Variants in ELAVL4 observed in about 807,000 individuals in gnomAD.
ELAVL4 encodes ELAV like RNA binding protein 4.
A neutral mutation model predicts 35.6 loss-of-function variants in ELAVL4; 1 was observed. The ratio of observed to expected loss-of-function variants is 0.03; its 90% confidence interval spans 0.01 to 0.13. ELAVL4 has a LOEUF of 0.13. ELAVL4 is among the 10% of genes least tolerant of loss of function. The pLI, the probability that ELAVL4 is intolerant of heterozygous loss-of-function variation, is 1.00. For synonymous variants in ELAVL4, 156 were observed against 171.0 expected (o/e 0.91, Z 0.69); for missense variants, 267 against 464.9 (o/e 0.57, Z 3.91).
intron 2 of ELAVL4, among the ~76,000 whole-genome samples, chr1:50,164,220 A>G (rs1677329327): frequency 6.6e-6 from 1 of 152,216 alleles, no homozygotes. Flanking sequence ...TCTAAAATAA[A>G]TATAATTTAG....
At chr1:50,152,282 T>C (rs1572417095) in intron 2 of ELAVL4, among the ~76,000 whole-genome samples, 1 of 152,262 alleles carries the variant, frequency 6.6e-6, no homozygotes, top group Non-Finnish European at 1.5e-5. Context: ...AGAAGAGATG[T>C]CTCAAAGGAT....
upstream of ELAVL4, chr1:50,104,096 GGGT>G: frequency 7.2e-6 from 10 of 1,388,710 alleles, no homozygotes; most frequent in Non-Finnish European, 9.2e-6. Context: ...ACAAGACTAT[GGGT>G]CCTTAAAAAC....
At chr1:50,106,370 G>T (rs1202148553), upstream of ELAVL4, 1 of 1,613,546 alleles carries the variant, frequency 6.2e-7, no homozygotes, top group Non-Finnish European at 8.5e-7. Context: ...TGTCATTAAT[G>T]AGTCAAGAAA....
chr1:50,050,207 G>A (rs567671947), intron 1 of ELAVL4, among the ~76,000 whole-genome samples: 1 of 152,308 alleles, frequency 6.6e-6, no homozygotes, highest in South Asian at 2.1e-4. Context: ...TATATGTACA[G>A]TGCCTGCCAT....
intron 5 of ELAVL4, 106 bp from the exon 6 acceptor site, chr1:50,197,320 AGTT>A: frequency 8.6e-7 from 1 of 1,161,536 alleles, no homozygotes; most frequent in Non-Finnish European, 1.2e-6. Flanking sequence ...CAGTGGGGAA[AGTT>A]GTTGAGCTTT....
intron 1 of ELAVL4, chr1:50,109,622 A>G: frequency 2.4e-6 from 1 of 418,506 alleles, no homozygotes; most frequent in Non-Finnish European, 4.4e-6. Context: ...CCGTGCTGGA[A>G]ATTTAAACCT....
chr1:50,138,384 G>A (rs1346790816), intron 1 of ELAVL4, among the ~76,000 whole-genome samples: 5 of 152,000 alleles, frequency 3.3e-5, no homozygotes, highest in African/African-American at 1.2e-4. Context: ...CATTCAATAG[G>A]TTTTCTGAGG....
intron 1 of ELAVL4, among the ~76,000 whole-genome samples, chr1:50,111,398 G>T (rs976564639): frequency 6.6e-6 from 1 of 152,058 alleles, no homozygotes; most frequent in African/African-American, 2.4e-5. Flanking sequence ...TTCTGCAAAT[G>T]ATTTCTTAGA....
intron 1 of ELAVL4, chr1:50,109,997 C>T: frequency 6.2e-7 from 1 of 1,610,042 alleles, no homozygotes. Flanking sequence ...CCTGGAGGTC[C>T]CAGCCCTGTG....
intron 1 of ELAVL4, among the ~76,000 whole-genome samples, chr1:50,121,454 T>C (rs925496693): frequency 2.0e-5 from 3 of 152,062 alleles, no homozygotes; most frequent in Non-Finnish European, 4.4e-5. Flanking sequence ...GAAAGTATCA[T>C]TGGGTGGTAC....
intron 1 of ELAVL4, among the ~76,000 whole-genome samples, chr1:50,124,303 C>T (rs1207229897): frequency 6.6e-6 from 1 of 152,036 alleles, no homozygotes; most frequent in Non-Finnish European, 1.5e-5. Flanking sequence ...CTGTCTGTAC[C>T]ACGCAGTTAA....
intron 2 of ELAVL4, among the ~76,000 whole-genome samples, chr1:50,173,078 A>T (rs1679325801): frequency 6.6e-6 from 1 of 152,126 alleles, no homozygotes; most frequent in African/African-American, 2.4e-5. Context: ...TCAGTAATGG[A>T]GGACTGGTAC....
At chr1:50,101,633 C>T (rs1165538847), upstream of ELAVL4, among the ~76,000 whole-genome samples, 3 of 151,938 alleles carry the variant, frequency 2.0e-5, no homozygotes, top group Non-Finnish European at 4.4e-5. Context: ...AGGCTGGGCA[C>T]AGAGGCTTAT....
intron 2 of ELAVL4, among the ~76,000 whole-genome samples, chr1:50,157,458 T>G (rs1675960122): frequency 6.6e-6 from 1 of 152,240 alleles, no homozygotes. Flanking sequence ...CTTCCTAGTC[T>G]GCCTTCCAGA....
chr1:50,099,787 G>T (rs557025865), upstream of ELAVL4, among the ~76,000 whole-genome samples: 1 of 152,244 alleles, frequency 6.6e-6, no homozygotes, highest in South Asian at 2.1e-4. Context: ...CCACTTCCAA[G>T]CCTGGAGAAT....
At chr1:50,117,865 T>C (rs977891869) in intron 1 of ELAVL4, among the ~76,000 whole-genome samples, 4 of 152,068 alleles carry the variant, frequency 2.6e-5, no homozygotes, top group South Asian at 2.1e-4. Context: ...TTGTTGTTTT[T>C]TTCTATATAG....
intron 1 of ELAVL4, among the ~76,000 whole-genome samples, chr1:50,120,503 T>G (rs1668848444): frequency 6.6e-6 from 1 of 152,072 alleles, no homozygotes; most frequent in South Asian, 2.1e-4. Flanking sequence ...GACTTGGTTT[T>G]GACTTTGAAT....
chr1:50,176,438 C>T (rs1213793607), intron 2 of ELAVL4, among the ~76,000 whole-genome samples: 1 of 152,182 alleles, frequency 6.6e-6, no homozygotes, highest in Non-Finnish European at 1.5e-5. Flanking sequence ...TGCTACATCC[C>T]TCTGAATGTG....
chr1:50,193,160 G>A (rs940965186), intron 3 of ELAVL4, among the ~76,000 whole-genome samples: 10 of 152,064 alleles, frequency 6.6e-5, no homozygotes, highest in African/African-American at 1.9e-4. Flanking sequence ...ATCCAGTTTC[G>A]CAAGCAGATG....
Sources: allele counts gnomAD v4.1 joint callset (sites outside exome capture counted in the v4.1 genomes callset), GRCh38; gene constraint gnomAD v4.1.1; transcripts MANE v1.5; gene names NCBI Gene and HGNC (gene_info 2026-07-23, HGNC 2026-07-21).